MYO5B: variants seen among roughly 807,000 people sequenced by gnomAD.
MYO5B encodes myosin VB.
In MYO5B, 143 loss-of-function variants were observed where a neutral mutation model predicts 229.3. The ratio of observed to expected loss-of-function variants is 0.62; its 90% confidence interval spans 0.54 to 0.72. The LOEUF is 0.72. MYO5B is among the 30% of genes least tolerant of loss of function. The pLI is 0.00. For synonymous variants in MYO5B, 918 were observed against 885.2 expected, an observed-to-expected ratio of 1.04 and a Z score of -0.66; for missense variants, 2,321 against 2,331.0, an observed-to-expected ratio of 1.00 and a Z score of 0.09.
At position 49,865,074 on chromosome 18, in the gene MYO5B, G is replaced by A. The variant is rs115603543; in HGVS notation, c.3604-694C>T. Among the ~76,000 whole-genome samples the A allele has an allele frequency of 4.0e-3, 613 of 152,246 alleles. 6 individuals carry two copies. The highest frequency in any genetic ancestry group is 0.013 in the African/African-American group (543 of 41,518). On this transcript the variant is annotated intron_variant, in intron 27 of 39. Transcript: ENST00000285039. Reference sequence around the variant, plus strand: ...GTCTGATGATCACACACAAACTGCCGGCAGGACCCTGGGATACATGAGATT... The same window carrying A: ...GTCTGATGATCACACACAAACTGCCAGCAGGACCCTGGGATACATGAGATT...
rs2032893098 is a variant in MYO5B at position 50,169,154 on chromosome 18, TA to T, written c.27+25612del. Among the ~76,000 whole-genome samples, 2 of 123,730 alleles carry T rather than the reference TA, an allele frequency of 1.6e-5. 1 individual carries two copies. The highest frequency in any genetic ancestry group is 1.7e-4 in the Admixed American group (2 of 11,446). The allele number at this position is 123,730 out of a possible 152,430, so 81.2% of individuals were successfully genotyped here. A position where few individuals can be genotyped will look rare whatever the true frequency, so the allele number is the denominator to read the frequency against. On this transcript the variant is annotated intron_variant, in intron 1 of 39. Coordinates refer to ENST00000285039, the MANE Select transcript of MYO5B (RefSeq NM_001080467.3). ...GCCCCATGCCTACAAAAAATAAAAC[TA>T]AAAAAAAGCTAGATGTGGCAGCACA...
chr18:50,142,043 G>A (rs755934775), intron 1 of MYO5B, among the ~76,000 whole-genome samples: 35 of 152,192 alleles, frequency 2.3e-4, no homozygotes, highest in Middle Eastern at 3.2e-3. Context: ...ATTCAACCAA[G>A]TAATTCTCCA....
At chr18:49,891,456 G>GT (rs944992681) in intron 22 of MYO5B, among the ~76,000 whole-genome samples, 128 of 152,260 alleles carry the variant, frequency 8.4e-4, no homozygotes, top group African/African-American at 3.0e-3. Context: ...AACGAGAAGG[G>GT]TTTTTTCAAA....
At chr18:50,125,996 G>A (rs994371381) in intron 1 of MYO5B, among the ~76,000 whole-genome samples, 6 of 152,162 alleles carry the variant, frequency 3.9e-5, no homozygotes, top group South Asian at 2.1e-4. Flanking sequence ...CAGGGGCTGC[G>A]AGGAAGGGGT....
At chr18:50,079,312 C>G (rs1190455394) in intron 1 of MYO5B, among the ~76,000 whole-genome samples, 1 of 152,214 alleles carries the variant, frequency 6.6e-6, no homozygotes, top group Non-Finnish European at 1.5e-5. Context: ...CCCCCAGAAT[C>G]TTTCATAACT....
At chr18:49,956,702 C>G (rs988938951) in intron 12 of MYO5B, among the ~76,000 whole-genome samples, 1 of 152,170 alleles carries the variant, frequency 6.6e-6, no homozygotes, top group Non-Finnish European at 1.5e-5. Flanking sequence ...TTCTGCTCTT[C>G]TCAAAGCAAC....
intron 1 of MYO5B, among the ~76,000 whole-genome samples, chr18:50,124,046 C>T (rs1031214915): frequency 5.3e-5 from 8 of 152,198 alleles, no homozygotes; most frequent in Admixed American, 1.3e-4. Flanking sequence ...ACCATGGGCA[C>T]ATTATTTGTG....
At chr18:50,079,198 T>C (rs1287153142) in intron 1 of MYO5B, among the ~76,000 whole-genome samples, 3 of 152,264 alleles carry the variant, frequency 2.0e-5, no homozygotes, top group South Asian at 2.1e-4. Flanking sequence ...TATACACTTA[T>C]GTGTTTTTCT....
chr18:50,157,862 A>G (rs975212117), intron 1 of MYO5B, among the ~76,000 whole-genome samples: 2 of 152,250 alleles, frequency 1.3e-5, no homozygotes, highest in African/African-American at 4.8e-5. Context: ...CTGGAATAGA[A>G]TAAGCACTTA....
At chr18:49,904,094 A>T (rs778501035) in intron 20 of MYO5B, among the ~76,000 whole-genome samples, 6 of 152,242 alleles carry the variant, frequency 3.9e-5, no homozygotes, top group Non-Finnish European at 8.8e-5. Context: ...AGGGGTGTGA[A>T]AACTGCCATG....
At chr18:49,839,772 T>A in intron 35 of MYO5B, 1 of 222,804 alleles carries the variant, frequency 4.5e-6, no homozygotes, top group Non-Finnish European at 9.1e-6. Flanking sequence ...ATAGATGAAC[T>A]AAAGTGATTT....
At chr18:49,927,078 A>C (rs2025136238) in intron 17 of MYO5B, among the ~76,000 whole-genome samples, 1 of 152,182 alleles carries the variant, frequency 6.6e-6, no homozygotes, top group Admixed American at 6.5e-5. Context: ...AGTTCTAGAG[A>C]TGGATGATGG....
At chr18:50,085,146 A>C (rs1404786470) in intron 1 of MYO5B, among the ~76,000 whole-genome samples, 1 of 152,218 alleles carries the variant, frequency 6.6e-6, no homozygotes, top group African/African-American at 2.4e-5. Context: ...AATGGGAGAA[A>C]ATTTTTGCAA....
intron 9 of MYO5B, among the ~76,000 whole-genome samples, chr18:49,975,745 T>G (rs2025742968): frequency 6.6e-6 from 1 of 152,128 alleles, no homozygotes. Flanking sequence ...AAAGCTGAGC[T>G]GAGCCCCAGA....
chr18:50,131,784 C>T (rs1216191736), intron 1 of MYO5B, among the ~76,000 whole-genome samples: 1 of 152,152 alleles, frequency 6.6e-6, no homozygotes, highest in Non-Finnish European at 1.5e-5. Context: ...TCACAAGTTT[C>T]AAAACAGCAG....
chr18:49,865,182 C>G (rs146162069), intron 27 of MYO5B, among the ~76,000 whole-genome samples: 1 of 152,084 alleles, frequency 6.6e-6, no homozygotes, highest in East Asian at 1.9e-4. Context: ...CATGATGGAA[C>G]CAGGGGACCG....
At chr18:49,877,684 T>G in intron 25 of MYO5B, 79 bp downstream of exon 25, 1 of 1,593,910 alleles carries the variant, frequency 6.3e-7, no homozygotes. Context: ...AGAGTAAATT[T>G]CTCTTGGACA....
At chr18:49,850,499 G>A (rs1365037694) in intron 31 of MYO5B, 3 of 152,192 alleles carry the variant, frequency 2.0e-5, no homozygotes, top group Non-Finnish European at 4.4e-5. Flanking sequence ...TATTCATCTT[G>A]ATAAAGAAGC....
chr18:50,065,868 G>C (rs963932839), intron 1 of MYO5B, among the ~76,000 whole-genome samples: 4 of 152,142 alleles, frequency 2.6e-5, no homozygotes, highest in Non-Finnish European at 5.9e-5. Flanking sequence ...GATGTGGAAG[G>C]AGGTGGTTTC....
Sources: gnomAD v4.1 joint callset for allele counts (sites outside exome capture counted in the v4.1 genomes callset) on GRCh38, gnomAD v4.1.1 for gene constraint, MANE v1.5 for transcripts, NCBI Gene and HGNC (gene_info 2026-07-23, HGNC 2026-07-21) for gene names.